MID1: variants seen among roughly 807,000 people sequenced by gnomAD.
MID1 encodes E3 ubiquitin-protein ligase Midline-1.
Under a neutral mutation model 40.4 loss-of-function variants are expected in MID1, and 7 were observed. The observed-to-expected ratio is 0.17, with a 90% CI of 0.10 to 0.33. The LOEUF (loss-of-function observed/expected upper bound fraction) is 0.33. Ranked by LOEUF, MID1 falls within the 10% of genes least tolerant of loss-of-function variation. The pLI, the probability that MID1 is intolerant of heterozygous loss-of-function variation, is 1.00. For synonymous variants in MID1, 229 were observed against 221.2 expected (o/e 1.04, Z -0.31); for missense variants, 367 against 558.5 (o/e 0.66, Z 3.46).
chrX:10,641,515 G>C (rs944167055), intron 1 of MID1, among the ~76,000 whole-genome samples: 1 of 111,773 alleles, frequency 8.9e-6, no homozygotes, highest in Non-Finnish European at 1.9e-5. Flanking sequence ...TTCTGAAATT[G>C]AGGCAATAAG....
chrX:10,670,036 A>C (rs1212958576), intron 1 of MID1, among the ~76,000 whole-genome samples: 1 of 112,012 alleles, frequency 8.9e-6, no homozygotes, highest in African/African-American at 3.2e-5. Flanking sequence ...ACAGGAGTTC[A>C]AGTCTAGCTG....
chrX:10,461,561 C>T (rs1246126153), intron 7 of MID1, among the ~76,000 whole-genome samples: 1 of 111,668 alleles, frequency 9.0e-6, no homozygotes, highest in Non-Finnish European at 1.9e-5. Flanking sequence ...GATAATGCCA[C>T]AGCCAAATAT....
intron 1 of MID1, among the ~76,000 whole-genome samples, chrX:10,615,224 C>T (rs1935818739): frequency 9.0e-6 from 1 of 111,646 alleles, no homozygotes; most frequent in African/African-American, 3.3e-5. Context: ...CATGGAAAAA[C>T]CTACATTATG....
At chrX:10,785,206 C>T (rs1428950878) in intron 1 of MID1, among the ~76,000 whole-genome samples, 1 of 110,917 alleles carries the variant, frequency 9.0e-6, no homozygotes, top group Non-Finnish European at 1.9e-5. Context: ...TGAGTGAACT[C>T]CCATTCACAA....
In MID1 at chrX:10,449,568, G is replaced by A. The variant is rs780389420; in HGVS notation, c.1804C>T (p.Arg602Trp). 6 of 1,211,689 alleles carry A rather than the reference G, an allele frequency of 5.0e-6. No individual in the cohort carries two copies. The highest frequency in any genetic ancestry group is 2.2e-5 in the Admixed American group (1 of 46,054). The change falls in exon 10 of 10, where the codon CGG becomes TGG. Residue 602 changes from arginine to tryptophan, a missense_variant. Arg to Trp is a moderately radical substitution (Grantham distance 101). This residue lies in a region of MID1 where 275 missense variants were observed against 383.1 expected (regional missense o/e 0.72). Coordinates refer to ENST00000317552, the MANE Select transcript of MID1 (RefSeq NM_000381.4). ...EIPIEPAPHLRRVGILLDYDN... is the reference protein window; with the variant it reads ...EIPIEPAPHLWRVGILLDYDN... Reference sequence around the variant, plus strand: ...TAGTCCAGCAGGATGCCCACGCGCCGGAGGTGGGGGGCAGGCTCAATGGGG... The same window carrying A: ...TAGTCCAGCAGGATGCCCACGCGCCAGAGGTGGGGGGCAGGCTCAATGGGG...
intron 1 of MID1, among the ~76,000 whole-genome samples, chrX:10,609,715 CT>C (rs138559299): frequency 0.035 from 3,043 of 86,216 alleles, 70 homozygotes; most frequent in African/African-American, 0.13. Context: ...TTCTTTCTTT[CT>C]TTTTTTTTTT....
At chrX:10,780,894 A>G (rs956448098) in intron 1 of MID1, among the ~76,000 whole-genome samples, 11 of 111,458 alleles carry the variant, frequency 9.9e-5, no homozygotes, top group African/African-American at 3.6e-4. Context: ...TCTTGTGCGC[A>G]GTTCACAATA....
intron 2 of MID1, among the ~76,000 whole-genome samples, chrX:10,547,648 GAGAAA>G (rs1204811450): frequency 4.3e-5 from 4 of 92,839 alleles, no homozygotes; most frequent in Admixed American, 1.2e-4. Context: ...AGGAAGGAAA[GAGAAA>G]AGAAAAGAAA....
chrX:10,819,346 G>A (rs905282495), intron 1 of MID1, among the ~76,000 whole-genome samples: 7 of 111,962 alleles, frequency 6.3e-5, no homozygotes, highest in African/African-American at 2.3e-4. Flanking sequence ...TCTCCCTTAT[G>A]CATACCCATC....
intron 1 of MID1, among the ~76,000 whole-genome samples, chrX:10,748,485 T>C (rs1279025354): frequency 8.9e-6 from 1 of 111,954 alleles, no homozygotes; most frequent in Non-Finnish European, 1.9e-5. Flanking sequence ...TGTTGATGTC[T>C]TTGCATTGAG....
chrX:10,620,840 C>T (rs1935925489), upstream of MID1, among the ~76,000 whole-genome samples: 1 of 112,238 alleles, frequency 8.9e-6, no homozygotes, highest in South Asian at 3.7e-4. Context: ...TTTAAGAGCT[C>T]CCTAACAGCA....
intron 1 of MID1, among the ~76,000 whole-genome samples, chrX:10,764,229 G>A (rs55723891): frequency 0.057 from 6,309 of 111,573 alleles, 187 homozygotes; most frequent in Non-Finnish European, 0.092. Context: ...TTGTAGACAT[G>A]AAGTCCTTGC....
chrX:10,623,183 C>T (rs1935955552), upstream of MID1, among the ~76,000 whole-genome samples: 1 of 103,375 alleles, frequency 9.7e-6, no homozygotes, highest in Admixed American at 1.1e-4. Context: ...CCCAGGAGGT[C>T]GAGGCTGCAG....
In MID1 at chrX:10,447,754, C is replaced by G. The variant is rs1388610439; in HGVS notation, c.*1614G>C. The G allele has an allele frequency of 1.8e-5, 2 of 111,651 alleles. No individual in the cohort carries two copies. Among genetic ancestry groups the G allele is most frequent in the African/African-American group, 6.5e-5 (2 of 30,679 alleles). The allele number at this position is 111,651 out of a possible 1,213,427, so 9.2% of individuals were successfully genotyped here. On this transcript the variant is annotated 3_prime_UTR_variant, in exon 10 of 10. Coordinates refer to ENST00000317552, the MANE Select transcript of MID1 (RefSeq NM_000381.4). The stretch of plus-strand genomic sequence containing the variant: ...AGCTGGCTTGGCCTCCCTTGAAATC[C>G]AGATTTGCAATCACATGACCTTTGG...
chrX:10,703,099 A>G lies in MID1; in HGVS notation c.-186-82680T>C, dbSNP rs12006739. Among the ~76,000 whole-genome samples the G allele has an allele frequency of 3.0e-3, 334 of 112,295 alleles. 2 individuals are homozygous for G. The highest frequency in any genetic ancestry group is 0.01 in the African/African-American group (320 of 30,926). On this transcript the variant is annotated intron_variant, in intron 1 of 10. Transcript: ENST00000380785. The stretch of plus-strand genomic sequence containing the variant: ...GTTATGGCAGTCCAAGATGACTAAT[A>G]CAATGAACAACATAATTTATTACTA...
At chrX:10,556,629 C>A (rs1934132395) in intron 2 of MID1, among the ~76,000 whole-genome samples, 1 of 111,927 alleles carries the variant, frequency 8.9e-6, no homozygotes, top group Admixed American at 9.5e-5. Context: ...TAAAATAATA[C>A]CTCGTGTACA....
chrX:10,494,943 T>G, intron 4 of MID1, among the ~76,000 whole-genome samples: 1 of 111,622 alleles, frequency 9.0e-6, no homozygotes, highest in African/African-American at 3.2e-5. Context: ...TGTGAATGAA[T>G]TTTGAATAAA....
At chrX:10,763,494 C>T (rs1203547214) in intron 1 of MID1, among the ~76,000 whole-genome samples, 1 of 111,425 alleles carries the variant, frequency 9.0e-6, no homozygotes, top group Non-Finnish European at 1.9e-5. Context: ...AGGACATGAA[C>T]TCATCCTTTC....
chrX:10,567,862 A>G (rs1028633379), intron 1 of MID1, among the ~76,000 whole-genome samples: 1 of 111,976 alleles, frequency 8.9e-6, no homozygotes, highest in Admixed American at 9.4e-5. Flanking sequence ...GTTTTTTAAA[A>G]GGCTTCATTC....
Sources: allele counts gnomAD v4.1 joint callset (sites outside exome capture counted in the v4.1 genomes callset), GRCh38; gene constraint gnomAD v4.1.1; regional missense constraint gnomAD v4.1.1; transcripts MANE v1.5; gene names NCBI Gene and HGNC (gene_info 2026-07-23, HGNC 2026-07-21).